RASSF3: variants seen among roughly 807,000 people sequenced by gnomAD.
RASSF3 encodes Ras association domain family member 3.
Under a neutral mutation model 19.9 loss-of-function variants are expected in RASSF3, and 19 were observed. That is an observed-to-expected ratio of 0.96 (90% CI 0.67 to 1.40). The LOEUF (loss-of-function observed/expected upper bound fraction) is 1.40. Among genes scored for constraint, RASSF3 ranks in the 40% most tolerant of loss-of-function variants. The pLI is 0.00. For missense variants in RASSF3, 306 were observed against 289.8 expected (o/e 1.06, Z -0.41); for synonymous variants, 110 against 104.2 (o/e 1.06, Z -0.34).
intron 1 of RASSF3, among the ~76,000 whole-genome samples, chr12:64,627,212 C>T (rs1316634996): frequency 6.6e-6 from 1 of 152,156 alleles, no homozygotes. Context: ...CATTCTCAGT[C>T]GACTGTAGTA....
chr12:64,516,118 A>ATC lies in RASSF3; in HGVS notation c.169+8789_169+8790insTC, dbSNP rs1322205427. ...TTTCTGAGTATTTTTTAATCTTAGTAAATAGAAATGAATGGAAATAGATTT... is the reference window on the plus strand; with the variant it reads ...TTTCTGAGTATTTTTTAATCTTAGTATCAATAGAAATGAATGGAAATAGATTT... On this transcript the variant is annotated intron_variant, in intron 1 of 5. Transcript: ENST00000637125. 2.6e-5 allele frequency among the ~76,000 whole-genome samples: 4 copies of ATC among 152,200 alleles called. No homozygotes were observed. In the East Asian group the frequency reaches 7.7e-4, roughly 29 times the overall value.
At chr12:64,669,024 A>T (rs1872614769) in intron 1 of RASSF3, among the ~76,000 whole-genome samples, 1 of 152,158 alleles carries the variant, frequency 6.6e-6, no homozygotes, top group African/African-American at 2.4e-5. Flanking sequence ...CAAGTCCTAA[A>T]TTGAAAGACT....
chr12:64,641,414 A>ACACACACACACACACACACGCGCGCGCG, intron 1 of RASSF3, among the ~76,000 whole-genome samples: 64 of 142,186 alleles, frequency 4.5e-4, no homozygotes, highest in African/African-American at 1.7e-3. Flanking sequence ...ACACACACAC[A>ACACACACACACACACACACGCGCGCGCG]CGCGCGCGCG....
At chr12:64,564,475 C>T (rs770532227) in intron 2 of RASSF3, among the ~76,000 whole-genome samples, 8 of 151,798 alleles carry the variant, frequency 5.3e-5, no homozygotes, top group South Asian at 2.1e-4. Flanking sequence ...CTCCGCCTCC[C>T]AGGTTCAAGC....
At chr12:64,649,903 T>C (rs1326833245) in intron 1 of RASSF3, among the ~76,000 whole-genome samples, 1 of 152,228 alleles carries the variant, frequency 6.6e-6, no homozygotes, top group East Asian at 1.9e-4. Context: ...AAAGACACTT[T>C]TTACTGTTTC....
chr12:64,564,784 T>C (rs1210424199), intron 2 of RASSF3, among the ~76,000 whole-genome samples: 2 of 148,574 alleles, frequency 1.3e-5, no homozygotes, highest in Non-Finnish European at 3.0e-5. Flanking sequence ...TTTTTTGTTT[T>C]TTGTTTTTTT....
intron 1 of RASSF3, among the ~76,000 whole-genome samples, chr12:64,680,766 G>T (rs767977245): frequency 7.2e-5 from 11 of 151,816 alleles, no homozygotes; most frequent in Non-Finnish European, 1.3e-4. Flanking sequence ...GGTGCTTGCC[G>T]CCATGCCCAG....
At chr12:64,617,765 G>T (rs1442382677) in intron 1 of RASSF3, among the ~76,000 whole-genome samples, 1 of 152,074 alleles carries the variant, frequency 6.6e-6, no homozygotes, top group African/African-American at 2.4e-5. Flanking sequence ...CACCATATTG[G>T]CCAGGCTGGT....
chr12:64,651,856 G>A (rs1407872061), intron 1 of RASSF3, among the ~76,000 whole-genome samples: 1 of 151,996 alleles, frequency 6.6e-6, no homozygotes, highest in African/African-American at 2.4e-5. Flanking sequence ...TAGACATGGG[G>A]TTTCACCATG....
At chr12:64,664,608 T>A (rs1188804421) in intron 1 of RASSF3, among the ~76,000 whole-genome samples, 1 of 152,158 alleles carries the variant, frequency 6.6e-6, no homozygotes, top group Non-Finnish European at 1.5e-5. Context: ...AAAAATAAAA[T>A]CAGTTTCAGG....
chr12:64,521,483 C>T (rs1868478625), intron 1 of RASSF3, among the ~76,000 whole-genome samples: 1 of 152,158 alleles, frequency 6.6e-6, no homozygotes. Flanking sequence ...AGGTAAATCT[C>T]CCTGGGCCAA....
At chr12:64,629,166 G>A (rs967721146) in intron 1 of RASSF3, among the ~76,000 whole-genome samples, 2 of 151,250 alleles carry the variant, frequency 1.3e-5, no homozygotes, top group African/African-American at 4.9e-5. Flanking sequence ...ACAGTGGCGT[G>A]ACTTTGGCTC....
intron 1 of RASSF3, among the ~76,000 whole-genome samples, chr12:64,539,834 G>C (rs1868905138): frequency 1.3e-5 from 2 of 151,982 alleles, no homozygotes; most frequent in Admixed American, 1.3e-4. Context: ...ATTATTTACT[G>C]ATCACAATAT....
chr12:64,644,928 G>C (rs890400579), intron 1 of RASSF3, among the ~76,000 whole-genome samples: 2 of 151,992 alleles, frequency 1.3e-5, no homozygotes, highest in African/African-American at 4.8e-5. Context: ...AAAAAAATTA[G>C]CTTAGCATGG....
At chr12:64,559,513 C>A (rs1869313165) in intron 2 of RASSF3, among the ~76,000 whole-genome samples, 1 of 152,100 alleles carries the variant, frequency 6.6e-6, no homozygotes, top group South Asian at 2.1e-4. Flanking sequence ...TCGTGATCTG[C>A]CCACCTCGGC....
chr12:64,650,751 A>G (rs984367973), intron 1 of RASSF3, among the ~76,000 whole-genome samples: 1 of 152,080 alleles, frequency 6.6e-6, no homozygotes, highest in African/African-American at 2.4e-5. Flanking sequence ...AGGAGTCTTA[A>G]AAAAAGTCTT....
At chr12:64,681,294 C>T (rs1873117165) in intron 1 of RASSF3, among the ~76,000 whole-genome samples, 1 of 152,160 alleles carries the variant, frequency 6.6e-6, no homozygotes, top group Admixed American at 6.5e-5. Context: ...AACCCTTTTG[C>T]CCTTGGTCAC....
chr12:64,600,354 T>TC (rs993712264), intron 2 of RASSF3, among the ~76,000 whole-genome samples: 62 of 151,908 alleles, frequency 4.1e-4, no homozygotes, highest in Non-Finnish European at 1.3e-4. Flanking sequence ...CAGGTTTTTG[T>TC]CCCCCCTGTG....
chr12:64,695,000 G>A lies in RASSF3; in HGVS notation c.*88G>A. 1 of 1,419,356 alleles carries A rather than the reference G, an allele frequency of 7.0e-7. No individual in the cohort carries two copies. Among genetic ancestry groups the A allele is most frequent in the Non-Finnish European group, 9.6e-7 (1 of 1,036,884 alleles). The allele number at this position is 1,419,356 out of a possible 1,614,324, so 87.9% of individuals were successfully genotyped here. A position where few individuals can be genotyped will look rare whatever the true frequency, so the allele number is the denominator to read the frequency against. On this transcript the variant is annotated 3_prime_UTR_variant, in exon 5 of 5. Transcript: ENST00000542104. ...TCTCTTCTCAGAGGGCTGCTGTCTT[G>A]CCCCACTATGCTAGGGTCTTCGCCT...
Sources: gnomAD v4.1 joint callset for allele counts (sites outside exome capture counted in the v4.1 genomes callset) on GRCh38, gnomAD v4.1.1 for gene constraint, MANE v1.5 for transcripts, NCBI Gene and HGNC (gene_info 2026-07-23, HGNC 2026-07-21) for gene names.